Variants in TNS1 observed in about 807,000 individuals in gnomAD.
TNS1 encodes the protein tensin 1.
In TNS1, 62 loss-of-function variants were observed where a neutral mutation model predicts 168.6. The ratio of observed to expected loss-of-function variants is 0.37; its 90% CI spans 0.30 to 0.45. The LOEUF (loss-of-function observed/expected upper bound fraction) is 0.45. Ranked by LOEUF, TNS1 falls within the 20% of genes least tolerant of loss-of-function variation. The pLI is 1.00. For synonymous variants in TNS1, 934 were observed against 933.2 expected, an observed-to-expected ratio of 1.00 and a Z score of -0.02; for missense variants, 2,240 against 2,339.4, an observed-to-expected ratio of 0.96 and a Z score of 0.88.
intron 1 of TNS1, among the ~76,000 whole-genome samples, chr2:217,996,297 T>C (rs1279073686): frequency 6.6e-6 from 1 of 152,158 alleles, no homozygotes; most frequent in African/African-American, 2.4e-5. Flanking sequence ...GGAGGTCAAC[T>C]CCTGTCGCAC....
chr2:217,801,378 C>T lies in TNS1; in HGVS notation c.*3081G>A, dbSNP rs982720824. 2 of 152,296 alleles carry T rather than the reference C, an allele frequency of 1.3e-5. No individual in the cohort carries two copies. Among genetic ancestry groups the T allele is most frequent in the South Asian group, 2.1e-4 (1 of 4,830 alleles). The allele number at this position is 152,296 out of a possible 1,614,324, so 9.4% of individuals were successfully genotyped here. On this transcript the variant is annotated 3_prime_UTR_variant, in exon 33 of 33. Transcript: ENST00000682258. ...CTGAAGGGACATGACCCTCCTCTGC[C>T]CTCTTCCCTCCAGACACCCAGCTGG...
intron 18 of TNS1, chr2:217,879,284 A>G (rs373374494): frequency 2.9e-6 from 1 of 349,420 alleles, no homozygotes; most frequent in South Asian, 2.1e-5. Context: ...ATGGAGAGAC[A>G]GTAAAAATTC....
chr2:217,960,280 G>C (rs1026885820), intron 3 of TNS1, among the ~76,000 whole-genome samples: 2 of 152,166 alleles, frequency 1.3e-5, no homozygotes, highest in Non-Finnish European at 2.9e-5. Context: ...TCTTACATTT[G>C]AGGAAATTGA....
chr2:218,013,934 C>G (rs980823800), upstream of TNS1, among the ~76,000 whole-genome samples: 1 of 152,170 alleles, frequency 6.6e-6, no homozygotes, highest in Non-Finnish European at 1.5e-5. Context: ...CCCAAGTTTG[C>G]CCTGGATCTG....
intron 3 of TNS1, among the ~76,000 whole-genome samples, chr2:217,961,401 T>C (rs1448333700): frequency 6.6e-6 from 1 of 152,086 alleles, no homozygotes; most frequent in Non-Finnish European, 1.5e-5. Context: ...CCTTAGCCTC[T>C]CCTTAAAGGG....
At chr2:217,837,664 A>G (rs1945357255) in intron 19 of TNS1, among the ~76,000 whole-genome samples, 1 of 152,246 alleles carries the variant, frequency 6.6e-6, no homozygotes, top group African/African-American at 2.4e-5. Context: ...CTGCCATCTC[A>G]GCTAAGAAAA....
At chr2:217,855,586 C>G (rs1459457847) in intron 18 of TNS1, among the ~76,000 whole-genome samples, 1 of 151,412 alleles carries the variant, frequency 6.6e-6, no homozygotes, top group Admixed American at 6.6e-5. Context: ...CTCTCCCTCT[C>G]CCTAGGGCCG....
At chr2:217,932,180 C>T (rs11896829) in intron 3 of TNS1, among the ~76,000 whole-genome samples, 3,923 of 152,214 alleles carry the variant, frequency 0.026, 180 homozygotes, top group African/African-American at 0.089. Flanking sequence ...CTCCTGTTTG[C>T]GGGTCCTCAT....
At chr2:217,812,088 G>A (rs758780436) in intron 28 of TNS1, among the ~76,000 whole-genome samples, 3 of 152,196 alleles carry the variant, frequency 2.0e-5, no homozygotes, top group Non-Finnish European at 2.9e-5. Context: ...TCCCTGGGAC[G>A]ACGTGGTCTG....
Position 218,033,784 on chromosome 2 carries a change from G to A in TNS1, c.156+36C>T, listed in dbSNP as rs10196707. Among the ~76,000 whole-genome samples the A allele has an allele frequency of 0.28, 43,306 of 152,088 alleles. 8,957 individuals carry two copies. The highest frequency in any genetic ancestry group is 0.58 in the African/African-American group (24,106 of 41,450). ...TCTGCCAACCGCCAGCTCCCGACTC[G>A]GGGCGTCGTCCCTCACCCATTCCCG... is the stretch of plus-strand genomic sequence containing the variant. On this transcript the variant is annotated intron_variant, in intron 1 of 1. Coordinates refer to the TNS1 transcript ENST00000649572. This position sits in a 1 kb window ranked among gnomAD's most constrained non-coding sequence, Gnocchi z 4.3.
intron 1 of TNS1, among the ~76,000 whole-genome samples, chr2:217,999,155 C>T (rs773684513): frequency 3.3e-5 from 5 of 152,180 alleles, no homozygotes; most frequent in African/African-American, 1.2e-4. Context: ...TTGATTCCCA[C>T]GGACCCCACA....
chr2:217,957,631 T>A (rs1269112307), intron 3 of TNS1, among the ~76,000 whole-genome samples: 7 of 151,848 alleles, frequency 4.6e-5, no homozygotes, highest in African/African-American at 9.7e-5. Context: ...AAGAAACCAA[T>A]CCAAATAAGA....
rs139688576 is a variant in TNS1, at chr2:217,818,726, G to T, written c.3606C>A (p.Ser1202Arg). The change falls in exon 24 of 33, where the codon AGC becomes AGA. Residue 1202 changes from serine to arginine, a missense_variant. Physicochemically the swap from Ser to Arg is moderately radical, Grantham distance 110. This residue lies in a region of TNS1 where 2,131 missense variants were observed against 2,171.2 expected (regional missense o/e 0.98). Transcript: ENST00000682258. ...TGGGCGTCCGGGGACCCTGGTCACT[G>T]CTCTCTCCCGACGGGAAACTCCCCA... Reference protein sequence around the residue: ...TSVGSFPSGESSDQGPRTPTQ... With the variant: ...TSVGSFPSGERSDQGPRTPTQ... 540 of 1,613,364 alleles carry T rather than the reference G, an allele frequency of 3.3e-4. 3 individuals are homozygous for T. In the Admixed American group the frequency reaches 5.3e-3, roughly 16 times the overall value.
upstream of TNS1, among the ~76,000 whole-genome samples, chr2:218,012,199 A>T (rs181655923): frequency 3.3e-5 from 5 of 152,352 alleles, no homozygotes; most frequent in East Asian, 9.6e-4. Context: ...ATGGGGTTTA[A>T]TGCATCGCAA....
intron 18 of TNS1, among the ~76,000 whole-genome samples, chr2:217,857,666 G>A (rs1392056418): frequency 3.3e-5 from 5 of 152,180 alleles, no homozygotes; most frequent in Admixed American, 1.3e-4. Context: ...CTTCAGTCCC[G>A]AGAGACCAGG....
At position 217,995,487 on chromosome 2, in the gene TNS1, A is replaced by G. The variant is rs1171327678; in HGVS notation, c.34-4431T>C. ...ATCAGATGCAAAAATATGGGCTAAG[A>G]AGAAAAGCGGGGTGCCTGGTACCTA... On this transcript the variant is annotated intron_variant, in intron 1 of 32. Transcript: ENST00000682258. This position sits in a 1 kb window ranked among gnomAD's most constrained non-coding sequence, Gnocchi z 4.1. Among the ~76,000 whole-genome samples, 1 of 152,108 alleles carries G rather than the reference A, an allele frequency of 6.6e-6. No homozygotes were observed. The highest frequency in any genetic ancestry group is 1.5e-5 in the Non-Finnish European group (1 of 68,018).
chr2:218,028,694 G>T (rs1175382160), intron 1 of TNS1, among the ~76,000 whole-genome samples: 1 of 152,196 alleles, frequency 6.6e-6, no homozygotes, highest in Admixed American at 6.5e-5. Flanking sequence ...GGGTAGATTT[G>T]CAGCTTCCTG....
At chr2:217,943,690 G>A (rs1418574586) in intron 3 of TNS1, among the ~76,000 whole-genome samples, 1 of 152,230 alleles carries the variant, frequency 6.6e-6, no homozygotes, top group Non-Finnish European at 1.5e-5. Context: ...GCCTGACCCA[G>A]AGACATGGGA....
At chr2:217,842,707 C>T (rs73074365) in intron 19 of TNS1, among the ~76,000 whole-genome samples, 3,438 of 152,284 alleles carry the variant, frequency 0.023, 124 homozygotes, top group African/African-American at 0.078. Context: ...ACCATTCTTA[C>T]AATCACCTCA....
Sources: allele counts gnomAD v4.1 joint callset (sites outside exome capture counted in the v4.1 genomes callset), GRCh38; gene constraint gnomAD v4.1.1; regional missense constraint gnomAD v4.1.1; non-coding constraint Gnocchi (gnomAD v3.1); transcripts MANE v1.5; gene names NCBI Gene and HGNC (gene_info 2026-07-23, HGNC 2026-07-21).